The following ZNF467 variants were observed in gnomAD, a reference collection of about 807,000 sequenced individuals.
The protein encoded by ZNF467 is zinc finger protein 467.
ZNF467 carries 51 observed loss-of-function variants against 47.8 expected under a neutral mutation model. That is an observed-to-expected ratio of 1.07 (90% CI 0.85 to 1.35). The LOEUF is 1.35. Ranked by LOEUF, ZNF467 falls within the 40% of genes most tolerant of loss-of-function variation. ZNF467 has a pLI of 0.00. For missense variants in ZNF467, 992 were observed against 858.1 expected (o/e 1.16, Z -1.95); for synonymous variants, 416 against 372.9 (o/e 1.12, Z -1.33).
chr7:149,770,873 G>T, intron 2 of ZNF467, 126 bp downstream of exon 2: 2 of 1,198,122 alleles, frequency 1.7e-6, no homozygotes, highest in Non-Finnish European at 2.4e-6. Context: ...AGAAAAGGAG[G>T]CTGACCTACA....
rs1186950265 is a variant in ZNF467 at position 149,765,179 on chromosome 7, G to C, written c.1323C>G (p.Ser441=). 4.6e-6 allele frequency: 7 copies of C among 1,505,884 alleles called. No individual in the cohort carries two copies. In the Admixed American group the frequency reaches 1.5e-4, roughly 32 times the overall value. 93.3% of individuals were successfully genotyped at this position (1,505,884 alleles called of 1,614,324 possible). The change falls in exon 5 of 5, where the codon TCC becomes TCG. Residue 441 remains serine, a synonymous_variant. Coordinates refer to ENST00000302017, the MANE Select transcript of ZNF467 (RefSeq NM_207336.3). Reference sequence around the variant, plus strand: ...GGTGCCGCGCCAGGTGCTGCCCATGGGAGAAGCCGCGCCCGCAGTCCGGGC... The same window carrying C: ...GGTGCCGCGCCAGGTGCTGCCCATGCGAGAAGCCGCGCCCGCAGTCCGGGC... ...FFCPDCGRGF[S]HGQHLARHPR... is the part of the protein sequence containing the mutation.
In ZNF467 at chr7:149,765,402, T is replaced by C. The variant is rs757459557; in HGVS notation, c.1100A>G (p.Lys367Arg). 10 of 1,572,384 alleles carry C rather than the reference T, an allele frequency of 6.4e-6. No individual in the cohort carries two copies. In the South Asian group the frequency reaches 1.2e-4, roughly 18 times the overall value. ...ACACTGGTGCGTGGCGAGGTTCTTT[T>C]TCCAGCCGAAGCTCAAGCCGCAGTC... ...CSDCGLSFGW[K>R]KNLATHQCLH... The change falls in exon 5 of 5, where the codon AAA becomes AGA. Residue 367 changes from lysine to arginine, a missense_variant. Lys to Arg is a conservative substitution (Grantham distance 26). Transcript: ENST00000302017.
At chr7:149,772,991 G>T (rs1345588984) in intron 1 of ZNF467, 117 bp downstream of exon 1, 1 of 117,816 alleles carries the variant, frequency 8.5e-6, no homozygotes, top group African/African-American at 3.3e-5. Flanking sequence ...CCCCACGCCC[G>T]CCGTCCGCGC....
chr7:149,776,142 T>C (rs1394180844), upstream of ZNF467: 1 of 1,316,798 alleles, frequency 7.6e-7, no homozygotes. Flanking sequence ...TTCTGCCGCA[T>C]GCCCAGGGAC....
At chr7:149,771,719 C>T (rs1192004559) in intron 1 of ZNF467, among the ~76,000 whole-genome samples, 1 of 148,960 alleles carries the variant, frequency 6.7e-6, no homozygotes, top group Non-Finnish European at 1.5e-5. Flanking sequence ...CGCCCCTCCC[C>T]CAGCAGACTC....
rs778011009 is a variant in ZNF467 at position 149,769,105 on chromosome 7, C to T, written c.247G>A (p.Val83Met). The change falls in exon 4 of 5, where the codon GTG (valine) becomes ATG (methionine). Residue 83 changes from valine to methionine, a missense_variant. Val to Met is a conservative substitution (Grantham distance 21). Transcript: ENST00000302017. This position sits in a 1 kb window ranked among gnomAD's most constrained non-coding sequence, Gnocchi z 5.3. ...QACSAQKAQP[V>M]GTCPGEEWMI... is the part of the protein sequence containing the mutation. ...GAAGACTCACCTGGGCAGGTACCCACAGGCTGAGCCTTCTGTGCTGAGCAC... is the reference window on the plus strand; with the variant it reads ...GAAGACTCACCTGGGCAGGTACCCATAGGCTGAGCCTTCTGTGCTGAGCAC... 1.3e-6 allele frequency: 2 copies of T among 1,552,652 alleles called. No homozygotes were observed. The highest frequency in any genetic ancestry group is 2.0e-5 in the Admixed American group (1 of 51,196).
Position 149,764,787 on chromosome 7 carries a change from G to C in ZNF467, c.1715C>G (p.Ala572Gly). 1 of 1,524,392 alleles carries C rather than the reference G, an allele frequency of 6.6e-7. No individual in the cohort carries two copies. The allele number at this position is 1,524,392 out of a possible 1,614,324, so 94.4% of individuals were successfully genotyped here. Reference protein sequence around the residue: ...QLIHGEAAHAAPDAALAAPAW... With the variant: ...QLIHGEAAHAGPDAALAAPAW... ...TGGGGCCGCAAGGGCGGCGTCCGGGGCCGCGTGGGCGGCTTCGCCGTGAAT... is the reference window on the plus strand; with the variant it reads ...TGGGGCCGCAAGGGCGGCGTCCGGGCCCGCGTGGGCGGCTTCGCCGTGAAT... The change falls in exon 5 of 5, where the codon GCC (alanine) becomes GGC (glycine). Residue 572 changes from alanine (A) to glycine (G), a missense_variant. Physicochemically the swap from Ala to Gly is moderately conservative, Grantham distance 60. Coordinates refer to ENST00000302017, the MANE Select transcript of ZNF467 (RefSeq NM_207336.3).
intron 4 of ZNF467, among the ~76,000 whole-genome samples, chr7:149,767,652 A>G (rs1760966504): frequency 6.6e-6 from 1 of 152,178 alleles, no homozygotes; most frequent in East Asian, 1.9e-4. Context: ...CCTGGGCCCA[A>G]GTGATCCTCT....
Position 149,770,491 on chromosome 7 carries a change from G to C in ZNF467, c.100C>G (p.Gln34Glu). 6.2e-7 allele frequency: 1 copy of C among 1,613,748 alleles called. No homozygotes were observed. The highest frequency in any genetic ancestry group is 8.5e-7 in the Non-Finnish European group (1 of 1,179,894). Reference sequence around the variant, plus strand: ...TCCCTAGAAGAGGACATCTGCTCCTGGGCATTATGGGATCCTTCCCTGGGC... The same window carrying C: ...TCCCTAGAAGAGGACATCTGCTCCTCGGCATTATGGGATCCTTCCCTGGGC... ...SEPREGSHNA[Q>E]EQMSSSREER... Residue 34 changes from glutamine (Q) to glutamate (E), a missense_variant, in exon 3 of 5, where the codon CAG becomes GAG. Coordinates refer to ENST00000302017, the MANE Select transcript of ZNF467 (RefSeq NM_207336.3).
chr7:149,776,026 T>C (rs35860468), upstream of ZNF467: 49,259 of 1,364,582 alleles, frequency 0.036, 2,054 homozygotes, highest in African/African-American at 0.2. Flanking sequence ...AAAGGTGCCC[T>C]GGGGGTGAGG....
rs1178444108 is a variant in ZNF467, at chr7:149,764,743, C to CG, written c.1758dup (p.Glu587ArgfsTer134). ...AAGAAGAGCGGGGGCGGCGCCACCT[C>CG]GGGGGGAGCGGACCAGGCTGGGGCC... On this transcript the variant is annotated frameshift_variant, in exon 5 of 5. Coordinates refer to ENST00000302017, the MANE Select transcript of ZNF467 (RefSeq NM_207336.3). LOFTEE classifies it high-confidence loss of function. 45 of 1,547,122 alleles carry CG rather than the reference C, an allele frequency of 2.9e-5. No homozygotes were observed. Among genetic ancestry groups the CG allele is most frequent in the Non-Finnish European group, 3.3e-5 (38 of 1,143,806 alleles).
upstream of ZNF467, among the ~76,000 whole-genome samples, chr7:149,775,141 C>A (rs2117487804): frequency 6.6e-6 from 1 of 152,224 alleles, no homozygotes; most frequent in South Asian, 2.1e-4. Context: ...GGAGCTGGCT[C>A]CCCCGCCCAC....
At chr7:149,773,922 G>GGA (rs1369931146), upstream of ZNF467, among the ~76,000 whole-genome samples, 1 of 152,202 alleles carries the variant, frequency 6.6e-6, no homozygotes, top group Admixed American at 6.5e-5. Context: ...GGGGCAGGCG[G>GGA]GAGAGAGGGC....
At chr7:149,767,522 T>G (rs1799261390) in intron 4 of ZNF467, among the ~76,000 whole-genome samples, 1 of 152,218 alleles carries the variant, frequency 6.6e-6, no homozygotes, top group African/African-American at 2.4e-5. Flanking sequence ...CACTCTTTAC[T>G]TTTCTACTCA....
rs376158234 is a variant in ZNF467 at position 149,769,185 on chromosome 7, G to A, written c.167C>T (p.Thr56Ile). The A allele has an allele frequency of 1.2e-5, 18 of 1,558,216 alleles. No homozygotes were observed. The African/African-American group carries it at 1.8e-4, about 15-fold the overall frequency. The change falls in exon 4 of 5, where the codon ACA (threonine) becomes ATA (isoleucine). Residue 56 changes from threonine (T) to isoleucine (I), a missense_variant. By Grantham distance (89) the Thr-to-Ile change is moderately conservative. Transcript: ENST00000302017. The surrounding 1 kb of genome is among the most constrained non-coding windows in gnomAD (Gnocchi z 5.3). The stretch of plus-strand genomic sequence containing the variant: ...TTCTGTGTGGGCACCTTCCTCCGGT[G>A]TAGGGGCCTCGTGCCCTGGCAGAGA... Reference protein sequence around the residue: ...LGVCSGHEAPTPEEGAHTEQA... With the variant: ...LGVCSGHEAPIPEEGAHTEQA...
rs1318217088 is a variant in ZNF467 at position 149,769,748 on chromosome 7, G to A, written c.152-548C>T. On this transcript the variant is annotated intron_variant, in intron 3 of 4. Coordinates refer to ENST00000302017, the MANE Select transcript of ZNF467 (RefSeq NM_207336.3). This position sits in a 1 kb window ranked among gnomAD's most constrained non-coding sequence, Gnocchi z 5.3. ...CTGTCACCCAGGCTGGAGTGCAGTG[G>A]CACGATCATACCTCACTGCAGCCTG... Among the ~76,000 whole-genome samples, 1 of 152,132 alleles carries A rather than the reference G, an allele frequency of 6.6e-6. No homozygotes were observed.
In ZNF467 at chr7:149,764,856, C is replaced by A; in HGVS notation, c.1646G>T (p.Gly549Val). ...GSRPFSCPQC[G>V]KSFSRKTHLV... ...GTGGGTCTTGCGGCTGAAGCTCTTT[C>A]CGCACTGCGGGCAGGAGAAGGGGCG... The change falls in exon 5 of 5, where the codon GGA becomes GTA. Residue 549 changes from glycine to valine, a missense_variant. By Grantham distance (109) the Gly-to-Val change is moderately radical. Transcript: ENST00000302017. The A allele has an allele frequency of 6.4e-7, 1 of 1,551,538 alleles. No homozygotes were observed. The highest frequency in any genetic ancestry group is 2.3e-5 in the East Asian group (1 of 43,902).
rs1226055395 is a variant in ZNF467 at position 149,765,439 on chromosome 7, A to C, written c.1063T>G (p.Phe355Val). ...CTCAAGCCGCAGTCGGAGCACGCGA[A>C]AGGCTTTGGCCCGGGAAAGGATGGG... ...PTPSFPGPKPFACSDCGLSFG... is the reference protein window; with the variant it reads ...PTPSFPGPKPVACSDCGLSFG... The change falls in exon 5 of 5, where the codon TTC becomes GTC. Residue 355 changes from phenylalanine to valine, a missense_variant. Phe to Val is a conservative substitution (Grantham distance 50, BLOSUM62 -1). Coordinates refer to ENST00000302017, the MANE Select transcript of ZNF467 (RefSeq NM_207336.3). 8.2e-6 allele frequency: 13 copies of C among 1,581,168 alleles called. No homozygotes were observed. The highest frequency in any genetic ancestry group is 1.3e-5 in the African/African-American group (1 of 74,696).
In ZNF467 at chr7:149,765,697, C is replaced by G; in HGVS notation, c.805G>C (p.Glu269Gln). Residue 269 changes from glutamate to glutamine, a missense_variant, in exon 5 of 5, where the codon GAG (glutamate) becomes CAG (glutamine). Coordinates refer to ENST00000302017, the MANE Select transcript of ZNF467 (RefSeq NM_207336.3). ...CATTCCGTGCAGGGGAAGGGCCGCT[C>G]GCCGGTGTGGGTCTTTTGGTGCGAG... ...LGSHQKTHTG[E>Q]RPFPCTECEK... The G allele has an allele frequency of 3.1e-6, 5 of 1,613,552 alleles. No homozygotes were observed. The highest frequency in any genetic ancestry group is 4.2e-6 in the Non-Finnish European group (5 of 1,179,854).
Sources: allele counts gnomAD v4.1 joint callset (sites outside exome capture counted in the v4.1 genomes callset), GRCh38; gene constraint gnomAD v4.1.1; non-coding constraint Gnocchi (gnomAD v3.1); transcripts MANE v1.5; gene names NCBI Gene and HGNC (gene_info 2026-07-23, HGNC 2026-07-21).